The following SPAG16 variants were observed in gnomAD, a reference collection of about 807,000 sequenced individuals.
The protein encoded by SPAG16 is sperm-associated antigen 16 protein.
A neutral mutation model predicts 80.4 loss-of-function variants in SPAG16; 86 were observed. The ratio of observed to expected loss-of-function variants is 1.07; its 90% CI spans 0.90 to 1.28. The LOEUF (loss-of-function observed/expected upper bound fraction) is 1.28. SPAG16 is among the 50% of genes most tolerant of loss of function. The pLI, the probability that SPAG16 is intolerant of heterozygous loss-of-function variation, is 0.00. For missense variants in SPAG16, 870 were observed against 765.3 expected, an observed-to-expected ratio of 1.14 and a Z score of -1.61; for synonymous variants, 294 against 265.9, an observed-to-expected ratio of 1.11 and a Z score of -1.03.
chr2:213,800,273 T>C (rs2071302578), intron 10 of SPAG16, among the ~76,000 whole-genome samples: 1 of 152,060 alleles, frequency 6.6e-6, no homozygotes, highest in Non-Finnish European at 1.5e-5. Flanking sequence ...TTGTGTACTT[T>C]CCTTCATCTT....
At chr2:214,163,633 T>TAC (rs1228508894) in intron 15 of SPAG16, among the ~76,000 whole-genome samples, 2 of 114,274 alleles carry the variant, frequency 1.8e-5, no homozygotes. Flanking sequence ...TATACATATA[T>TAC]ATATAGAGAG....
intron 9 of SPAG16, among the ~76,000 whole-genome samples, chr2:213,483,973 C>T (rs919013962): frequency 1.3e-5 from 2 of 151,934 alleles, no homozygotes; most frequent in Non-Finnish European, 2.9e-5. Flanking sequence ...TATCTCTGTT[C>T]GTTAGTTTAT....
intron 10 of SPAG16, among the ~76,000 whole-genome samples, chr2:213,815,781 T>C (rs1457237350): frequency 6.6e-6 from 1 of 152,138 alleles, no homozygotes; most frequent in Admixed American, 6.5e-5. Flanking sequence ...TTTTTACTTA[T>C]TATACGTATA....
intron 10 of SPAG16, among the ~76,000 whole-genome samples, chr2:213,710,191 G>T (rs6751787): frequency 0.066 from 10,071 of 151,968 alleles, 1,042 homozygotes; most frequent in African/African-American, 0.22. Context: ...GGCTGAGGCA[G>T]GAGAATCACT....
intron 10 of SPAG16, among the ~76,000 whole-genome samples, chr2:213,695,301 C>CT (rs2065113253): frequency 1.3e-5 from 2 of 152,186 alleles, no homozygotes; most frequent in Non-Finnish European, 2.9e-5. Flanking sequence ...CATCTACCAA[C>CT]TTAACTAACA....
chr2:213,600,859 G>T (rs1294694594), intron 10 of SPAG16, among the ~76,000 whole-genome samples: 5 of 152,154 alleles, frequency 3.3e-5, no homozygotes, highest in Non-Finnish European at 5.9e-5. Context: ...ACTCTCTGAA[G>T]GTTCACTTAA....
chr2:213,699,156 T>G (rs1659656858), intron 10 of SPAG16, among the ~76,000 whole-genome samples: 1 of 152,186 alleles, frequency 6.6e-6, no homozygotes, highest in Non-Finnish European at 1.5e-5. Context: ...TTTTTCTGCT[T>G]CACCTTTCCT....
chr2:213,591,995 C>A (rs1427623855), intron 10 of SPAG16, among the ~76,000 whole-genome samples: 1 of 152,148 alleles, frequency 6.6e-6, no homozygotes, highest in Non-Finnish European at 1.5e-5. Flanking sequence ...TCAGAGGAGG[C>A]TGAGTAGGTT....
At chr2:213,896,516 G>A (rs6714461) in intron 11 of SPAG16, among the ~76,000 whole-genome samples, 87,934 of 149,424 alleles carry the variant, frequency 0.59, 27,736 homozygotes, top group South Asian at 0.84. Flanking sequence ...ACTATTCACA[G>A]TAGCCAAAAT....
intron 10 of SPAG16, among the ~76,000 whole-genome samples, chr2:213,588,845 A>AAAATACAGATATAC (rs1553576832): frequency 7.8e-6 from 1 of 128,448 alleles, no homozygotes; most frequent in African/African-American, 3.2e-5. Flanking sequence ...AAAAAAAAAG[A>AAAATACAGATATAC]CTCCCTATCC....
intron 10 of SPAG16, among the ~76,000 whole-genome samples, chr2:213,692,271 T>C (rs13404340): frequency 6.6e-6 from 1 of 152,194 alleles, no homozygotes; most frequent in Non-Finnish European, 1.5e-5. Flanking sequence ...GTTCAATACT[T>C]GGATTTGTTA....
rs1400016 is a variant in SPAG16, at chr2:213,594,531, T to G, written c.1070+104441T>G. 1.4e-3 allele frequency among the ~76,000 whole-genome samples: 211 copies of G among 152,358 alleles called. 1 individual carries two copies. In the East Asian group the frequency reaches 0.014, roughly 10 times the overall value. ...AGAATGGGGGTGTGCTCACTCTTTT[T>G]TCTCTTTCTATACCTGGCAAGCCTC... is the stretch of plus-strand genomic sequence containing the variant. On this transcript the variant is annotated intron_variant, in intron 10 of 15. Transcript: ENST00000331683.
intron 5 of SPAG16, among the ~76,000 whole-genome samples, chr2:213,322,099 A>T (rs111970006): frequency 0.24 from 35,119 of 148,008 alleles, 4,734 homozygotes; most frequent in Non-Finnish European, 0.32. Context: ...AATAAATAAA[A>T]AAAAGTAAAA....
chr2:213,721,915 G>A, intron 10 of SPAG16, among the ~76,000 whole-genome samples: 1 of 152,308 alleles, frequency 6.6e-6, no homozygotes, highest in African/African-American at 2.4e-5. Context: ...ATTTAAGCGT[G>A]TGATTAACCG....
At chr2:213,800,328 C>T (rs1213298535) in intron 10 of SPAG16, among the ~76,000 whole-genome samples, 2 of 88,148 alleles carry the variant, frequency 2.3e-5, no homozygotes, top group African/African-American at 3.9e-5. Context: ...CCCTCCCTCC[C>T]TCCCTCTCTC....
intron 11 of SPAG16, among the ~76,000 whole-genome samples, chr2:213,896,693 T>C (rs1227894294): frequency 6.6e-6 from 1 of 151,862 alleles, no homozygotes; most frequent in Non-Finnish European, 1.5e-5. Context: ...ATATATATGA[T>C]AGAATATCAT....
chr2:213,447,434 C>G (rs2071397853), intron 9 of SPAG16, among the ~76,000 whole-genome samples: 1 of 152,210 alleles, frequency 6.6e-6, no homozygotes, highest in South Asian at 2.1e-4. Flanking sequence ...CCCTCACATC[C>G]ATGATTCTGA....
intron 12 of SPAG16, among the ~76,000 whole-genome samples, chr2:214,005,814 G>T (rs1305940554): frequency 6.6e-6 from 1 of 152,148 alleles, no homozygotes; most frequent in Non-Finnish European, 1.5e-5. Flanking sequence ...CAAAATTCTT[G>T]TGAATTTTAA....
At chr2:214,133,500 T>TA (rs2054890848) in intron 14 of SPAG16, among the ~76,000 whole-genome samples, 1 of 151,636 alleles carries the variant, frequency 6.6e-6, no homozygotes, top group African/African-American at 2.4e-5. Context: ...TACTAAAAAA[T>TA]ACAAAAATTA....
Sources: allele counts gnomAD v4.1 joint callset (sites outside exome capture counted in the v4.1 genomes callset), GRCh38; gene constraint gnomAD v4.1.1; transcripts MANE v1.5; gene names NCBI Gene and HGNC (gene_info 2026-07-23, HGNC 2026-07-21).